TINAG: variants seen among roughly 807,000 people sequenced by gnomAD.
TINAG encodes the protein tubulointerstitial nephritis antigen.
TINAG carries 83 observed loss-of-function variants against 72.7 expected under a neutral mutation model. The observed-to-expected ratio is 1.14, with a 90% confidence interval of 0.96 to 1.37. TINAG has a LOEUF of 1.37. Among genes scored for constraint, TINAG ranks in the 40% most tolerant of loss-of-function variants. TINAG has a pLI of 0.00. For missense variants in TINAG, 685 were observed against 576.6 expected, an observed-to-expected ratio of 1.19 and a Z score of -1.93; for synonymous variants, 234 against 189.9, an observed-to-expected ratio of 1.23 and a Z score of -1.91.
chr6:54,377,229 A>T (rs1238403239), intron 9 of TINAG, among the ~76,000 whole-genome samples: 1 of 152,128 alleles, frequency 6.6e-6, no homozygotes, highest in Non-Finnish European at 1.5e-5. Context: ...TAACCTCAGT[A>T]GGCCAGGTAC....
Position 54,324,186 on chromosome 6 carries a change from G to A in TINAG, c.510-2616G>A, listed in dbSNP as rs552053453. Among the ~76,000 whole-genome samples the A allele has an allele frequency of 7.2e-5, 11 of 152,210 alleles. 1 individual carries two copies. Among genetic ancestry groups the A allele is most frequent in the African/African-American group, 2.6e-4 (11 of 41,536 alleles). ...ATTCCAGGATTCAGCATTTTAAAAC[G>A]ATAAGCTTTTCATCTTTTCACATCA... On this transcript the variant is annotated intron_variant, in intron 3 of 10. Coordinates refer to ENST00000259782, the MANE Select transcript of TINAG (RefSeq NM_014464.4).
At chr6:54,362,887 G>A (rs931137406) in intron 9 of TINAG, among the ~76,000 whole-genome samples, 2 of 151,586 alleles carry the variant, frequency 1.3e-5, no homozygotes, top group Non-Finnish European at 3.0e-5. Flanking sequence ...AACTGCAGAT[G>A]TGGTGGAAAT....
chr6:54,312,603 C>A (rs1293804897), intron 1 of TINAG, among the ~76,000 whole-genome samples: 1 of 151,826 alleles, frequency 6.6e-6, no homozygotes, highest in Non-Finnish European at 1.5e-5. Context: ...TGAAGTAAAA[C>A]AGTCTGAAGA....
Position 54,335,764 on chromosome 6 carries a change from G to C in TINAG, c.625-7462G>C, listed in dbSNP as rs148178544. Among the ~76,000 whole-genome samples, 3 of 152,192 alleles carry C rather than the reference G, an allele frequency of 2.0e-5. No homozygotes were observed. The East Asian group carries it at 5.8e-4, about 29-fold the overall frequency. On this transcript the variant is annotated intron_variant, in intron 4 of 10. Transcript: ENST00000259782. ...ATTTCTTTTTGTGGGAATTCTTCTCGATTAGTGGTGCACTCCCCTCACCGC... is the reference window on the plus strand; with the variant it reads ...ATTTCTTTTTGTGGGAATTCTTCTCCATTAGTGGTGCACTCCCCTCACCGC...
rs147517011 is a variant in TINAG, at chr6:54,330,974, C to A, written c.624+4058C>A. ...AATTGAGGCAGTAGTTAATAGCCTA[C>A]CAACCAAAAAAGTCTAGGACCAGAC... is the stretch of plus-strand genomic sequence containing the variant. On this transcript the variant is annotated intron_variant, in intron 4 of 10. Transcript: ENST00000259782. 2.7e-3 allele frequency among the ~76,000 whole-genome samples: 408 copies of A among 152,180 alleles called. 5 individuals are homozygous for A. Among genetic ancestry groups the A allele is most frequent in the Middle Eastern group, 0.02 (6 of 294 alleles).
chr6:54,356,807 C>T (rs1763052910), intron 9 of TINAG, among the ~76,000 whole-genome samples: 1 of 151,824 alleles, frequency 6.6e-6, no homozygotes, highest in African/African-American at 2.4e-5. Context: ...TTATTGTAGA[C>T]TCCAGGCCCT....
At chr6:54,381,084 G>A (rs946510147) in intron 10 of TINAG, among the ~76,000 whole-genome samples, 1 of 147,524 alleles carries the variant, frequency 6.8e-6, no homozygotes, top group Non-Finnish European at 1.5e-5. Flanking sequence ...ATATCCTATA[G>A]GATATAACCG....
intron 9 of TINAG, among the ~76,000 whole-genome samples, chr6:54,357,825 G>T (rs1321451165): frequency 6.6e-6 from 1 of 151,828 alleles, no homozygotes; most frequent in African/African-American, 2.4e-5. Context: ...TCTCAACATA[G>T]AAAACAGGGT....
At chr6:54,330,886 C>T (rs1266368380) in intron 4 of TINAG, among the ~76,000 whole-genome samples, 4 of 152,136 alleles carry the variant, frequency 2.6e-5, no homozygotes, top group Admixed American at 2.6e-4. Context: ...GGCACATACA[C>T]CCTCCCAGGA....
At chr6:54,328,146 T>C (rs1200244132) in intron 4 of TINAG, among the ~76,000 whole-genome samples, 2 of 151,960 alleles carry the variant, frequency 1.3e-5, no homozygotes, top group East Asian at 3.9e-4. Context: ...CTCAAGTGGG[T>C]TCCTGACCCC....
intron 3 of TINAG, among the ~76,000 whole-genome samples, chr6:54,324,083 A>C (rs544828527): frequency 1.3e-5 from 2 of 152,364 alleles, no homozygotes; most frequent in South Asian, 4.1e-4. Context: ...AATTAGTGGC[A>C]CAAGTAATAA....
In TINAG at chr6:54,352,469, G is replaced by C. The variant is rs556749383; in HGVS notation, c.1126+1072G>C. 8.6e-5 allele frequency among the ~76,000 whole-genome samples: 13 copies of C among 151,878 alleles called. No homozygotes were observed. In the South Asian group the frequency reaches 2.7e-3, roughly 31 times the overall value. On this transcript the variant is annotated intron_variant, in intron 8 of 10. Transcript: ENST00000259782. ...ACATTACCCAAAACCTGAAACAAATGAAGAGAAATTTTCTGTTCCCCCTTA... is the reference window on the plus strand; with the variant it reads ...ACATTACCCAAAACCTGAAACAAATCAAGAGAAATTTTCTGTTCCCCCTTA...
At chr6:54,318,739 A>G (rs1283105111) in intron 1 of TINAG, among the ~76,000 whole-genome samples, 1 of 152,098 alleles carries the variant, frequency 6.6e-6, no homozygotes, top group African/African-American at 2.4e-5. Flanking sequence ...GAAATGAGGG[A>G]TCCGTTGGAG....
intron 2 of TINAG, among the ~76,000 whole-genome samples, chr6:54,320,891 G>T (rs2297983): frequency 0.47 from 71,247 of 151,872 alleles, 17,469 homozygotes; most frequent in Middle Eastern, 0.6. Flanking sequence ...CATACAACAG[G>T]TCTTCATTAA....
chr6:54,389,876 AG>A lies in TINAG; in HGVS notation c.1383del (p.Lys461AsnfsTer2). The A allele has an allele frequency of 6.2e-7, 1 of 1,611,128 alleles. No homozygotes were observed. The highest frequency in any genetic ancestry group is 8.5e-7 in the Non-Finnish European group (1 of 1,178,750). The stretch of plus-strand genomic sequence containing the variant: ...GGAGTAAATGAGTCCGACATTGAAA[AG>A]TTGATTATCGCAGCTTGGGGCCAAC... Reference protein sequence around the residue: ...LRGVNESDIEKLIIAAWGQLT... With the variant: ...LRGVNESDIEXLIIAAWGQLT... On this transcript the variant is annotated frameshift_variant, in exon 11 of 11. Transcript: ENST00000259782. LOFTEE classifies it high-confidence loss of function.
At chr6:54,326,697 T>A (rs1784609877) in intron 3 of TINAG, 105 bp from the exon 4 acceptor site, 1 of 718,228 alleles carries the variant, frequency 1.4e-6, no homozygotes, top group South Asian at 2.4e-5. Flanking sequence ...ATTGTGAGAT[T>A]TGCTGCTATT....
intron 1 of TINAG, among the ~76,000 whole-genome samples, chr6:54,310,495 C>CTTTCTT (rs1378374995): frequency 3.1e-5 from 1 of 32,544 alleles, no homozygotes; most frequent in Non-Finnish European, 1.1e-4. Context: ...TCTTTCTTTT[C>CTTTCTT]TTCTTTCTTT....
At chr6:54,346,434 A>G (rs1331662960) in intron 5 of TINAG, among the ~76,000 whole-genome samples, 2 of 151,828 alleles carry the variant, frequency 1.3e-5, no homozygotes, top group Non-Finnish European at 2.9e-5. Flanking sequence ...GTATACATAT[A>G]TAATGATATT....
At chr6:54,346,594 T>C (rs896820948) in intron 5 of TINAG, among the ~76,000 whole-genome samples, 1 of 151,566 alleles carries the variant, frequency 6.6e-6, no homozygotes, top group Non-Finnish European at 1.5e-5. Context: ...ATAGTATTAG[T>C]TAATAGTAGT....
Sources: gnomAD v4.1 joint callset for allele counts (sites outside exome capture counted in the v4.1 genomes callset) on GRCh38, gnomAD v4.1.1 for gene constraint, MANE v1.5 for transcripts, NCBI Gene and HGNC (gene_info 2026-07-23, HGNC 2026-07-21) for gene names.